The following CSMD1 variants were observed in gnomAD, a reference collection of about 807,000 sequenced individuals.
CSMD1 encodes the protein CUB and Sushi multiple domains 1.
CSMD1 carries 213 observed loss-of-function variants against 417.5 expected under a neutral mutation model. The observed-to-expected ratio is 0.51, with a 90% confidence interval of 0.46 to 0.57. The LOEUF is 0.57. CSMD1 is among the 20% of genes least tolerant of loss of function. The pLI, the probability that CSMD1 is intolerant of heterozygous loss-of-function variation, is 0.00. For missense variants in CSMD1, 6,923 were observed against 4,529.7 expected (o/e 1.53, Z -15.17); for synonymous variants, 2,862 against 1,736.8 (o/e 1.65, Z -16.11).
At chr8:3,007,274 A>T (rs1026729306) in intron 52 of CSMD1, among the ~76,000 whole-genome samples, 2 of 151,626 alleles carry the variant, frequency 1.3e-5, no homozygotes, top group African/African-American at 4.9e-5. Flanking sequence ...TCAGGAAACA[A>T]CAGGTGCTGG....
At chr8:3,978,530 T>A (rs569768763) in intron 5 of CSMD1, among the ~76,000 whole-genome samples, 3 of 152,222 alleles carry the variant, frequency 2.0e-5, no homozygotes, top group African/African-American at 7.2e-5. Context: ...AACACACTTA[T>A]GTGAGTTTGG....
At chr8:3,902,340 A>G (rs1563193962) in intron 5 of CSMD1, among the ~76,000 whole-genome samples, 2 of 152,106 alleles carry the variant, frequency 1.3e-5, no homozygotes, top group Non-Finnish European at 2.9e-5. Context: ...TTTTTGTTTC[A>G]AATCTTGGCT....
At chr8:4,455,929 CAAAAA>C (rs71207091) in intron 2 of CSMD1, among the ~76,000 whole-genome samples, 51 of 11,616 alleles carry the variant, frequency 4.4e-3, no homozygotes, top group East Asian at 7.5e-3. Context: ...ACTCCAACTC[CAAAAA>C]AAAAAAAAAA....
At chr8:3,798,662 G>A (rs1563092091) in intron 5 of CSMD1, among the ~76,000 whole-genome samples, 1 of 152,032 alleles carries the variant, frequency 6.6e-6, no homozygotes, top group Non-Finnish European at 1.5e-5. Flanking sequence ...ATTTATTCAA[G>A]AAGATGCATT....
intron 65 of CSMD1, 56 bp downstream of exon 65, chr8:2,954,168 G>A (rs953594828): frequency 6.2e-6 from 6 of 974,762 alleles, no homozygotes; most frequent in Admixed American, 2.8e-5. Flanking sequence ...ACTGTGCAGA[G>A]TAGAGAACAA....
At chr8:4,990,607 C>A (rs1430187773) in intron 1 of CSMD1, among the ~76,000 whole-genome samples, 1 of 152,152 alleles carries the variant, frequency 6.6e-6, no homozygotes, top group Non-Finnish European at 1.5e-5. Context: ...GATCCACCCA[C>A]CTCAGCCTCC....
At chr8:3,862,791 G>A (rs147469231) in intron 5 of CSMD1, among the ~76,000 whole-genome samples, 1 of 152,186 alleles carries the variant, frequency 6.6e-6, no homozygotes, top group Non-Finnish European at 1.5e-5. Context: ...GAAGTTAACT[G>A]CCTATCACAA....
chr8:4,069,844 T>C (rs10086129), intron 3 of CSMD1, among the ~76,000 whole-genome samples: 38,765 of 152,184 alleles, frequency 0.25, 6,265 homozygotes, highest in Non-Finnish European at 0.35. Flanking sequence ...TGAAGACTTC[T>C]ACAAAAGTCT....
At chr8:3,453,292 T>A (rs1474567656) in intron 12 of CSMD1, among the ~76,000 whole-genome samples, 1 of 152,186 alleles carries the variant, frequency 6.6e-6, no homozygotes, top group East Asian at 1.9e-4. Context: ...TTTGAAGGGT[T>A]TTTTGTGTCT....
At chr8:4,646,581 T>C (rs1257105088) in intron 1 of CSMD1, among the ~76,000 whole-genome samples, 3 of 152,238 alleles carry the variant, frequency 2.0e-5, no homozygotes, top group South Asian at 2.1e-4. Flanking sequence ...TGTTCGCATA[T>C]ACAAATTCTT....
intron 3 of CSMD1, among the ~76,000 whole-genome samples, chr8:4,359,124 T>C (rs914192986): frequency 2.0e-5 from 3 of 152,204 alleles, no homozygotes; most frequent in Admixed American, 2.0e-4. Context: ...GGTAGAAATT[T>C]AGAAGGCAGA....
intron 41 of CSMD1, among the ~76,000 whole-genome samples, chr8:3,125,276 G>A (rs1817435761): frequency 6.6e-6 from 1 of 152,172 alleles, no homozygotes; most frequent in African/African-American, 2.4e-5. Context: ...CTTCTTGCAG[G>A]TGCCTCTGAA....
chr8:3,332,938 G>C (rs557068419), intron 23 of CSMD1, among the ~76,000 whole-genome samples: 18 of 152,344 alleles, frequency 1.2e-4, no homozygotes, highest in East Asian at 1.2e-3. Context: ...TGTCGATGCT[G>C]AGTTTGTCAA....
intron 3 of CSMD1, among the ~76,000 whole-genome samples, chr8:4,240,006 C>A (rs1802295069): frequency 6.6e-6 from 1 of 152,186 alleles, no homozygotes; most frequent in Non-Finnish European, 1.5e-5. Flanking sequence ...AAGGCGTGTT[C>A]TGTGTTTTCA....
chr8:3,133,048 A>G (rs571623572), intron 41 of CSMD1, among the ~76,000 whole-genome samples: 1 of 152,134 alleles, frequency 6.6e-6, no homozygotes, highest in South Asian at 2.1e-4. Context: ...CTATGGATAC[A>G]CTGGAATAAA....
chr8:4,208,519 T>G (rs1344111960), intron 3 of CSMD1, among the ~76,000 whole-genome samples: 1 of 152,226 alleles, frequency 6.6e-6, no homozygotes, highest in Non-Finnish European at 1.5e-5. Flanking sequence ...TGATATACCA[T>G]AAGAACAGAT....
At chr8:3,498,501 T>C (rs762181472) in intron 10 of CSMD1, among the ~76,000 whole-genome samples, 1 of 152,204 alleles carries the variant, frequency 6.6e-6, no homozygotes, top group African/African-American at 2.4e-5. Flanking sequence ...ATTAGATCTG[T>C]TTGGTGATCT....
At chr8:4,263,068 T>G (rs1395781445) in intron 3 of CSMD1, among the ~76,000 whole-genome samples, 1 of 152,204 alleles carries the variant, frequency 6.6e-6, no homozygotes, top group Admixed American at 6.5e-5. Flanking sequence ...ATGAGAACAC[T>G]TTTAATGAGA....
intron 7 of CSMD1, among the ~76,000 whole-genome samples, chr8:3,671,560 C>CATAT (rs752837903): frequency 0.011 from 69 of 6,526 alleles, 5 homozygotes; most frequent in Non-Finnish European, 0.019. Context: ...TATATATGAT[C>CATAT]ATATATATAT....
Sources: allele counts gnomAD v4.1 joint callset (sites outside exome capture counted in the v4.1 genomes callset), GRCh38; gene constraint gnomAD v4.1.1; transcripts MANE v1.5; gene names NCBI Gene and HGNC (gene_info 2026-07-23, HGNC 2026-07-21).